VPS13B: variants seen among roughly 807,000 people sequenced by gnomAD.
VPS13B encodes intermembrane lipid transfer protein VPS13B.
A neutral mutation model predicts 426.4 loss-of-function variants in VPS13B; 285 were observed. That is an observed-to-expected ratio of 0.67 (90% confidence interval 0.61 to 0.74). VPS13B has a LOEUF of 0.74. Ranked by LOEUF, VPS13B falls within the 30% of genes least tolerant of loss-of-function variation. The pLI is 0.00. For synonymous variants in VPS13B, 1,676 were observed against 1,676.4 expected (o/e 1.00, Z 0.01); for missense variants, 4,537 against 4,782.6 (o/e 0.95, Z 1.51).
Position 99,832,259 on chromosome 8 carries a change from C to CAA in VPS13B, c.9331-99_9331-98dup, listed in dbSNP as rs68156520. 0.017 allele frequency: 19,041 copies of CAA among 1,142,316 alleles called. 7 individuals carry two copies. The highest frequency in any genetic ancestry group is 0.029 in the East Asian group (833 of 29,200). The allele number at this position is 1,142,316 out of a possible 1,614,324, so 70.8% of individuals were successfully genotyped here. On this transcript the variant is annotated intron_variant, in intron 51 of 61. Coordinates refer to ENST00000357162, the MANE Select transcript of VPS13B (RefSeq NM_152564.5). ...CCTGCGTGATGGAGTGAGACTGTCT[C>CAA]AAAAAAAAAAAAGAAAAGAAAAGAA...
chr8:99,139,266 A>G (rs1389247913), intron 12 of VPS13B, among the ~76,000 whole-genome samples: 4 of 152,056 alleles, frequency 2.6e-5, no homozygotes, highest in East Asian at 1.9e-4. Flanking sequence ...TTTGAGATTC[A>G]TGAGAACCAC....
At chr8:99,077,123 G>A (rs1845167652) in intron 3 of VPS13B, among the ~76,000 whole-genome samples, 1 of 152,002 alleles carries the variant, frequency 6.6e-6, no homozygotes, top group Admixed American at 6.5e-5. Context: ...GGGTGGTTTA[G>A]TGGTAATGAA....
rs1814144862 is a variant in VPS13B at position 99,199,240 on chromosome 8, G to C, written c.2515+6183G>C. On this transcript the variant is annotated intron_variant, in intron 17 of 61. Transcript: ENST00000357162. ...TCTGTCACCCAGGCTAGAGTGCAGT[G>C]GCATGATCTCGGCTCACTGCAAGCT... is the stretch of plus-strand genomic sequence containing the variant. Among the ~76,000 whole-genome samples the C allele has an allele frequency of 9.9e-5, 15 of 152,180 alleles. 1 individual carries two copies. The South Asian group carries it at 3.1e-3, about 32-fold the overall frequency.
intron 8 of VPS13B, among the ~76,000 whole-genome samples, chr8:99,123,122 CAAAAAAAAAA>C (rs71273164): frequency 2.4e-4 from 15 of 61,438 alleles, no homozygotes; most frequent in Non-Finnish European, 4.2e-4. Flanking sequence ...ACTCTGTCTC[CAAAAAAAAAA>C]AAAAAAAAAA....
intron 8 of VPS13B, among the ~76,000 whole-genome samples, chr8:99,134,194 T>G (rs1314821262): frequency 6.6e-6 from 1 of 152,216 alleles, no homozygotes; most frequent in Non-Finnish European, 1.5e-5. Context: ...CTGTTTTATC[T>G]TTTTGCATTT....
chr8:99,593,744 C>T (rs752594789), intron 33 of VPS13B, among the ~76,000 whole-genome samples: 17 of 152,016 alleles, frequency 1.1e-4, no homozygotes, highest in Non-Finnish European at 1.9e-4. Context: ...GGAACAAGAT[C>T]GTGTACTGTG....
intron 35 of VPS13B, among the ~76,000 whole-genome samples, chr8:99,668,200 C>T (rs1788153): frequency 0.14 from 20,585 of 151,368 alleles, 1,938 homozygotes; most frequent in East Asian, 0.39. Flanking sequence ...AAAGTTATGA[C>T]CCTGAATTAA....
At chr8:99,874,111 A>ACC (rs2130985518) in intron 61 of VPS13B, among the ~76,000 whole-genome samples, 1 of 152,344 alleles carries the variant, frequency 6.6e-6, no homozygotes, top group Non-Finnish European at 1.5e-5. Flanking sequence ...TGCCTGGCAC[A>ACC]TTATTGAAAT....
intron 21 of VPS13B, among the ~76,000 whole-genome samples, chr8:99,425,946 A>G (rs1588363592): frequency 6.6e-6 from 1 of 152,104 alleles, no homozygotes; most frequent in African/African-American, 2.4e-5. Context: ...GTTTTAGGGT[A>G]CTTGTGCACA....
At chr8:99,701,461 T>C (rs565099603) in intron 36 of VPS13B, among the ~76,000 whole-genome samples, 4 of 152,334 alleles carry the variant, frequency 2.6e-5, no homozygotes, top group Middle Eastern at 3.4e-3. Flanking sequence ...TTTATCCATG[T>C]TTAATGATGT....
At chr8:99,754,293 T>G (rs976438903) in intron 39 of VPS13B, among the ~76,000 whole-genome samples, 4 of 152,164 alleles carry the variant, frequency 2.6e-5, no homozygotes, top group African/African-American at 4.8e-5. Flanking sequence ...CCAACTTCCA[T>G]TACCAGAATA....
intron 24 of VPS13B, among the ~76,000 whole-genome samples, chr8:99,476,244 T>C (rs1480965152): frequency 1.3e-5 from 2 of 152,056 alleles, no homozygotes; most frequent in African/African-American, 4.8e-5. Context: ...CTAAAAGACT[T>C]GGAGAGGGAT....
intron 19 of VPS13B, among the ~76,000 whole-genome samples, chr8:99,313,836 G>A (rs548941553): frequency 1.1e-4 from 17 of 152,258 alleles, no homozygotes; most frequent in East Asian, 9.7e-4. Flanking sequence ...CTTCCTGGCC[G>A]CTTTGTTTAC....
At chr8:99,693,795 C>A (rs998210681) in intron 35 of VPS13B, among the ~76,000 whole-genome samples, 2 of 149,840 alleles carry the variant, frequency 1.3e-5, no homozygotes, top group African/African-American at 4.9e-5. Flanking sequence ...ATCTAGAAAA[C>A]CCCATCGTCT....
At chr8:99,842,056 G>A (rs985665489) in intron 54 of VPS13B, among the ~76,000 whole-genome samples, 2 of 152,114 alleles carry the variant, frequency 1.3e-5, no homozygotes, top group African/African-American at 4.8e-5. Flanking sequence ...GCCTTTCAAA[G>A]TCTAAGTCTA....
intron 17 of VPS13B, among the ~76,000 whole-genome samples, chr8:99,198,906 G>A (rs1814115486): frequency 6.6e-6 from 1 of 151,412 alleles, no homozygotes; most frequent in East Asian, 1.9e-4. Flanking sequence ...AAAGGATTGT[G>A]CCTTCAAATA....
intron 16 of VPS13B, among the ~76,000 whole-genome samples, chr8:99,181,595 T>G (rs996130631): frequency 6.6e-6 from 1 of 152,214 alleles, no homozygotes; most frequent in Admixed American, 6.5e-5. Context: ...TATGAGCTGC[T>G]TTGAATAGTG....
intron 33 of VPS13B, among the ~76,000 whole-genome samples, chr8:99,583,255 G>C (rs1457384941): frequency 3.3e-5 from 5 of 152,000 alleles, no homozygotes; most frequent in Non-Finnish European, 7.4e-5. Context: ...GAATGTTAGA[G>C]AAAAATCTAG....
rs183542675 is a variant in VPS13B at position 99,793,593 on chromosome 8, T to A, written c.7941+9117T>A. On this transcript the variant is annotated intron_variant, in intron 43 of 61. Transcript: ENST00000357162. ...TATTATTGATCATGGAAGAGAAGAG[T>A]CTGGTTTGACTCTGAGATTTCAGAC... Among the ~76,000 whole-genome samples the A allele has an allele frequency of 2.6e-4, 40 of 151,872 alleles. 1 individual carries two copies. The Middle Eastern group carries it at 0.027, about 103-fold the overall frequency.
Sources: gnomAD v4.1 joint callset for allele counts (sites outside exome capture counted in the v4.1 genomes callset) on GRCh38, gnomAD v4.1.1 for gene constraint, MANE v1.5 for transcripts, NCBI Gene and HGNC (gene_info 2026-07-23, HGNC 2026-07-21) for gene names.